Variants in RANBP17 observed in about 807,000 individuals in gnomAD.
RANBP17 encodes the protein RAN binding protein 17.
Under a neutral mutation model 141.2 loss-of-function variants are expected in RANBP17, and 158 were observed. The observed-to-expected ratio is 1.12, with a 90% confidence interval of 0.98 to 1.28. RANBP17 has a LOEUF of 1.28. Ranked by LOEUF, RANBP17 falls within the 50% of genes most tolerant of loss-of-function variation. The pLI is 0.00. For missense variants in RANBP17, 1,438 were observed against 1,290.7 expected (o/e 1.11, Z -1.75); for synonymous variants, 430 against 450.0 (o/e 0.96, Z 0.56).
At chr5:171,281,117 C>G in intron 25 of RANBP17, among the ~76,000 whole-genome samples, 1 of 152,170 alleles carries the variant, frequency 6.6e-6, no homozygotes, top group Non-Finnish European at 1.5e-5. Flanking sequence ...TTAAGACTCA[C>G]TGTCTTAGAT....
At chr5:170,985,079 GCA>G (rs369559248) in intron 14 of RANBP17, among the ~76,000 whole-genome samples, 147 of 145,574 alleles carry the variant, frequency 1.0e-3, no homozygotes, top group African/African-American at 3.2e-3. Context: ...ACACACACAG[GCA>G]CACACACACG....
chr5:171,073,699 C>G (rs182777941), intron 14 of RANBP17, among the ~76,000 whole-genome samples: 2 of 152,266 alleles, frequency 1.3e-5, no homozygotes, highest in East Asian at 3.9e-4. Flanking sequence ...AGCGTCTACC[C>G]TAATCTTGGT....
At chr5:170,872,449 T>C (rs1318273203) in intron 1 of RANBP17, among the ~76,000 whole-genome samples, 1 of 152,150 alleles carries the variant, frequency 6.6e-6, no homozygotes, top group Non-Finnish European at 1.5e-5. Context: ...TAGGATCATG[T>C]TGTCTGCAGA....
At chr5:171,150,586 A>G (rs1758405117) in intron 14 of RANBP17, among the ~76,000 whole-genome samples, 2 of 152,146 alleles carry the variant, frequency 1.3e-5, no homozygotes, top group South Asian at 4.1e-4. Context: ...TTTTGTCCAC[A>G]TTATCACAAC....
chr5:171,071,750 A>G (rs1784647878), intron 14 of RANBP17, among the ~76,000 whole-genome samples: 3 of 151,396 alleles, frequency 2.0e-5, no homozygotes, highest in Admixed American at 6.6e-5. Flanking sequence ...ACTAAAATGT[A>G]TAACATAAAA....
chr5:171,152,518 C>T (rs1027864552), intron 14 of RANBP17, among the ~76,000 whole-genome samples: 1 of 152,062 alleles, frequency 6.6e-6, no homozygotes, highest in Non-Finnish European at 1.5e-5. Flanking sequence ...TCACTCTTGT[C>T]CTAGGGTTCT....
intron 20 of RANBP17, 97 bp downstream of exon 20, chr5:171,205,709 A>G (rs761539737): frequency 2.2e-6 from 2 of 927,994 alleles, no homozygotes; most frequent in Non-Finnish European, 3.5e-6. Context: ...GGGAAGAGGA[A>G]ACAAAGCTAA....
At chr5:171,170,430 G>A (rs1398389010) in intron 15 of RANBP17, among the ~76,000 whole-genome samples, 5 of 152,102 alleles carry the variant, frequency 3.3e-5, no homozygotes, top group Admixed American at 6.6e-5. Flanking sequence ...CAACGGCAGC[G>A]TGCAGCATCA....
chr5:171,151,545 A>G (rs2127833155), intron 14 of RANBP17, among the ~76,000 whole-genome samples: 1 of 152,346 alleles, frequency 6.6e-6, no homozygotes, highest in Middle Eastern at 3.4e-3. Context: ...AAGTTCATGA[A>G]TTAAAGATTC....
Position 171,155,094 on chromosome 5 carries a change from AAT to A in RANBP17, c.1711-15011_1711-15010del, listed in dbSNP as rs1554106866. On this transcript the variant is annotated intron_variant, in intron 14 of 27. Transcript: ENST00000523189. ...CTCCATCTAGAAAAAAAAAAAAAAA[AAT>A]ATATATATATATATATATATATATG... 3.0e-3 allele frequency among the ~76,000 whole-genome samples: 224 copies of A among 74,958 alleles called. 4 individuals carry two copies. The highest frequency in any genetic ancestry group is 9.3e-3 in the African/African-American group (179 of 19,196). The allele number at this position is 74,958 out of a possible 152,430, so 49.2% of individuals were successfully genotyped here.
intron 12 of RANBP17, among the ~76,000 whole-genome samples, chr5:170,927,992 T>C (rs1159680047): frequency 2.0e-5 from 3 of 152,084 alleles, no homozygotes; most frequent in Non-Finnish European, 4.4e-5. Context: ...CCCATTAACA[T>C]TGTATAAGAG....
At chr5:171,234,849 T>G (rs1481909882) in intron 22 of RANBP17, among the ~76,000 whole-genome samples, 2 of 152,012 alleles carry the variant, frequency 1.3e-5, no homozygotes, top group Non-Finnish European at 1.5e-5. Context: ...GATTCTGGAG[T>G]TTGGAAAATA....
intron 14 of RANBP17, among the ~76,000 whole-genome samples, chr5:171,163,993 A>G (rs1027169348): frequency 1.3e-5 from 2 of 152,168 alleles, no homozygotes; most frequent in Non-Finnish European, 2.9e-5. Flanking sequence ...AAGATTCATT[A>G]TCCAAAATCT....
At chr5:171,025,835 G>A (rs140626857) in intron 14 of RANBP17, among the ~76,000 whole-genome samples, 3 of 152,130 alleles carry the variant, frequency 2.0e-5, no homozygotes, top group East Asian at 1.9e-4. Flanking sequence ...TGATCCTCCT[G>A]CCTCGGTCTC....
chr5:171,153,983 C>A (rs185119209), intron 14 of RANBP17, among the ~76,000 whole-genome samples: 31 of 151,572 alleles, frequency 2.0e-4, no homozygotes, highest in Non-Finnish European at 3.4e-4. Flanking sequence ...GCCAAGATCA[C>A]GCCACTGCAC....
intron 14 of RANBP17, among the ~76,000 whole-genome samples, chr5:171,022,830 T>G (rs1258783530): frequency 3.3e-5 from 5 of 152,134 alleles, no homozygotes; most frequent in Admixed American, 1.3e-4. Flanking sequence ...CCTGGGAGCT[T>G]GGTAGGCTTA....
chr5:171,086,365 C>T (rs1314378473), intron 14 of RANBP17, among the ~76,000 whole-genome samples: 11 of 151,878 alleles, frequency 7.2e-5, no homozygotes, highest in South Asian at 2.1e-4. Context: ...ATTCGGTTTG[C>T]CAGTATTTTA....
rs200303379 is a variant in RANBP17, at chr5:170,916,587, A to G, written c.954+3A>G. The G allele has an allele frequency of 2.0e-6, 3 of 1,529,504 alleles. No homozygotes were observed. Among genetic ancestry groups the G allele is most frequent in the South Asian group, 2.5e-5 (2 of 79,392 alleles). 94.7% of individuals were successfully genotyped at this position (1,529,504 alleles called of 1,614,324 possible). A position where few individuals can be genotyped will look rare whatever the true frequency, so the allele number is the denominator to read the frequency against. ...AAAGGATACTTGAAAACCCTCAGGTATTTATGAAGTAATTTAATACTTAGC... is the reference window on the plus strand; with the variant it reads ...AAAGGATACTTGAAAACCCTCAGGTGTTTATGAAGTAATTTAATACTTAGC... On this transcript the variant is annotated splice_donor_region_variant and intron_variant, in intron 9 of 27. Coordinates refer to ENST00000523189, the MANE Select transcript of RANBP17 (RefSeq NM_022897.5).
At chr5:171,174,839 T>C (rs970378709) in intron 16 of RANBP17, among the ~76,000 whole-genome samples, 3 of 151,486 alleles carry the variant, frequency 2.0e-5, no homozygotes, top group Admixed American at 6.6e-5. Context: ...CTGGGATACA[T>C]GTGCAGAACG....
Sources: gnomAD v4.1 joint callset for allele counts (sites outside exome capture counted in the v4.1 genomes callset) on GRCh38, gnomAD v4.1.1 for gene constraint, MANE v1.5 for transcripts, NCBI Gene and HGNC (gene_info 2026-07-23, HGNC 2026-07-21) for gene names.